Variants in KIAA1549L observed in about 807,000 individuals in gnomAD.
KIAA1549L encodes KIAA1549 like, also known as UPF0606 protein KIAA1549L.
In KIAA1549L, 88 loss-of-function variants were observed where a neutral mutation model predicts 160.7. That is an observed-to-expected ratio of 0.55 (90% CI 0.46 to 0.65). KIAA1549L has a LOEUF of 0.65. Among genes scored for constraint, KIAA1549L ranks in the 30% least tolerant of loss-of-function variants. The pLI, the probability that KIAA1549L is intolerant of heterozygous loss-of-function variation, is 0.00. For synonymous variants in KIAA1549L, 950 were observed against 976.7 expected (o/e 0.97, Z 0.51); for missense variants, 2,258 against 2,437.5 (o/e 0.93, Z 1.55).
At chr11:33,598,253 G>A (rs573189116) in intron 12 of KIAA1549L, among the ~76,000 whole-genome samples, 1 of 150,022 alleles carries the variant, frequency 6.7e-6, no homozygotes, top group South Asian at 2.1e-4. Context: ...CTAGTGATGG[G>A]GTATTATGCA....
In KIAA1549L at chr11:33,591,287, A is replaced by C. The variant is rs1234051304; in HGVS notation, c.4617A>C (p.Ala1539=). The C allele has an allele frequency of 6.2e-7, 1 of 1,613,700 alleles. No homozygotes were observed. Among genetic ancestry groups the C allele is most frequent in the Non-Finnish European group, 8.5e-7 (1 of 1,179,682 alleles). ...YAKQHLGQQG[A]DEEVIPVTQE... is the part of the protein sequence containing the mutation. ...AGCAACACCTGGGCCAGCAAGGGGC[A>C]GATGAGGAGGTCATCCCTGTGACTC... Residue 1539 remains alanine (A), a synonymous_variant, in exon 12 of 21, where the codon GCA becomes GCC. Transcript: ENST00000658780.
chr11:33,434,240 T>C (rs966613304), intron 1 of KIAA1549L, among the ~76,000 whole-genome samples: 2 of 152,144 alleles, frequency 1.3e-5, no homozygotes, highest in Non-Finnish European at 2.9e-5. Context: ...GTTCTCGTGG[T>C]AGTGAATAAG....
chr11:33,537,039 C>A (rs1853910781), intron 1 of KIAA1549L, among the ~76,000 whole-genome samples: 1 of 152,238 alleles, frequency 6.6e-6, no homozygotes, highest in Non-Finnish European at 1.5e-5. Flanking sequence ...TGTCGCCTCC[C>A]TCTGCAGCCT....
intron 1 of KIAA1549L, among the ~76,000 whole-genome samples, chr11:33,458,291 T>C (rs1851871478): frequency 6.6e-6 from 1 of 152,232 alleles, no homozygotes; most frequent in African/African-American, 2.4e-5. Context: ...TAATAATTTG[T>C]TTTAATGTAT....
chr11:33,422,707 A>C (rs572279189), intron 1 of KIAA1549L, among the ~76,000 whole-genome samples: 1 of 150,966 alleles, frequency 6.6e-6, no homozygotes, highest in South Asian at 2.1e-4. Flanking sequence ...CCCTATGCTC[A>C]CTCCTCTTTC....
rs777963601 is a variant in KIAA1549L, at chr11:33,543,552, T to G, written c.1989T>G (p.Ala663=). Residue 663 remains alanine (A), a synonymous_variant, in exon 2 of 21, where the codon GCT becomes GCG. Coordinates refer to ENST00000658780, the MANE Select transcript of KIAA1549L (RefSeq NM_012194.3). ...AAAVDHSGLP[A]SASKQVRASP... is the part of the protein sequence containing the mutation. ...CTGTGGACCATTCTGGGTTGCCAGC[T>G]TCAGCTTCCAAACAGGTGAGAGCAT... The G allele has an allele frequency of 3.1e-6, 5 of 1,614,020 alleles. No homozygotes were observed. Among genetic ancestry groups the G allele is most frequent in the Non-Finnish European group, 4.2e-6 (5 of 1,179,886 alleles).
chr11:33,407,071 T>C (rs545433134), intron 1 of KIAA1549L, among the ~76,000 whole-genome samples: 31 of 145,054 alleles, frequency 2.1e-4, no homozygotes, highest in African/African-American at 7.2e-4. Context: ...TCAGTCCTTT[T>C]TCTTTTTTCA....
chr11:33,414,561 G>A (rs1188873303), intron 1 of KIAA1549L, among the ~76,000 whole-genome samples: 3 of 152,270 alleles, frequency 2.0e-5, no homozygotes, highest in East Asian at 1.9e-4. Context: ...TTTTTAAGGC[G>A]ATTGGCACAC....
At chr11:33,444,095 T>C (rs1409611786) in intron 1 of KIAA1549L, among the ~76,000 whole-genome samples, 2 of 152,254 alleles carry the variant, frequency 1.3e-5, no homozygotes, top group African/African-American at 4.8e-5. Flanking sequence ...ATGTGAATGA[T>C]GATCTCAGAA....
At chr11:33,487,271 T>C (rs191140685) in intron 1 of KIAA1549L, among the ~76,000 whole-genome samples, 1 of 152,258 alleles carries the variant, frequency 6.6e-6, no homozygotes, top group East Asian at 1.9e-4. Context: ...TTGCGGATCA[T>C]GGAGACTAAT....
At chr11:33,620,817 T>A (rs1484981369) in intron 16 of KIAA1549L, among the ~76,000 whole-genome samples, 1 of 151,884 alleles carries the variant, frequency 6.6e-6, no homozygotes, top group Admixed American at 6.6e-5. Context: ...CATGAATAAC[T>A]CACACAAGCA....
rs183044312 is a variant in KIAA1549L at position 33,450,324 on chromosome 11, G to A, written c.238+73435G>A. Among the ~76,000 whole-genome samples, 5 of 152,288 alleles carry A rather than the reference G, an allele frequency of 3.3e-5. No individual in the cohort carries two copies. In the East Asian group the frequency reaches 9.7e-4, roughly 29 times the overall value. ...TGCAATCCCAGCACTTTGGGAGGCT[G>A]TGGTGGGAGGATTGCTTGAGCCCAG... On this transcript the variant is annotated intron_variant, in intron 1 of 20. Coordinates refer to ENST00000658780, the MANE Select transcript of KIAA1549L (RefSeq NM_012194.3).
intron 13 of KIAA1549L, among the ~76,000 whole-genome samples, chr11:33,601,598 A>T (rs1461079011): frequency 2.0e-5 from 3 of 152,336 alleles, no homozygotes; most frequent in Admixed American, 2.0e-4. Context: ...AGAATCCATT[A>T]TTCTGTTGAT....
chr11:33,411,043 C>CA (rs781668423), intron 1 of KIAA1549L, among the ~76,000 whole-genome samples: 3 of 152,098 alleles, frequency 2.0e-5, no homozygotes, highest in Non-Finnish European at 4.4e-5. Context: ...AGCAGGCACA[C>CA]ACTGGGTTGT....
At chr11:33,576,338 A>G (rs2133252088) in intron 10 of KIAA1549L, among the ~76,000 whole-genome samples, 1 of 152,218 alleles carries the variant, frequency 6.6e-6, no homozygotes, top group East Asian at 1.9e-4. Flanking sequence ...CACAGACACA[A>G]CTTTGTCTAG....
intron 17 of KIAA1549L, among the ~76,000 whole-genome samples, chr11:33,651,568 G>C (rs1351000302): frequency 6.6e-6 from 1 of 152,040 alleles, no homozygotes; most frequent in Non-Finnish European, 1.5e-5. Flanking sequence ...GATTACTGCT[G>C]AGCATCCCAA....
At chr11:33,509,579 T>C (rs11032287) in intron 1 of KIAA1549L, among the ~76,000 whole-genome samples, 26,247 of 152,230 alleles carry the variant, frequency 0.17, 2,905 homozygotes, top group Admixed American at 0.25. Context: ...GCCATAAAAT[T>C]TTCATAGTGT....
intron 1 of KIAA1549L, among the ~76,000 whole-genome samples, chr11:33,537,251 G>GC (rs1853915234): frequency 6.6e-6 from 1 of 152,146 alleles, no homozygotes; most frequent in Non-Finnish European, 1.5e-5. Flanking sequence ...TGTGCTTTCT[G>GC]ACCTCCCTGA....
intron 1 of KIAA1549L, among the ~76,000 whole-genome samples, chr11:33,408,766 T>A: frequency 8.5e-6 from 1 of 117,914 alleles, no homozygotes; most frequent in Non-Finnish European, 1.7e-5. Flanking sequence ...TGAAACCCCA[T>A]CACTACTAAA....
Sources: gnomAD v4.1 joint callset for allele counts (sites outside exome capture counted in the v4.1 genomes callset) on GRCh38, gnomAD v4.1.1 for gene constraint, MANE v1.5 for transcripts, NCBI Gene and HGNC (gene_info 2026-07-23, HGNC 2026-07-21) for gene names.